ADAMTS17: variants seen among roughly 807,000 people sequenced by gnomAD.
ADAMTS17 encodes A disintegrin and metalloproteinase with thrombospondin motifs 17.
A neutral mutation model predicts 141.5 loss-of-function variants in ADAMTS17; 113 were observed. That is an observed-to-expected ratio of 0.80 (90% CI 0.69 to 0.93). The LOEUF (loss-of-function observed/expected upper bound fraction) is 0.93, where lower values mean the gene tolerates loss of function less well. Ranked by LOEUF, ADAMTS17 falls within the 40% of genes least tolerant of loss-of-function variation. The pLI, the probability that ADAMTS17 is intolerant of heterozygous loss-of-function variation, is 0.00. For synonymous variants in ADAMTS17, 768 were observed against 630.6 expected, an observed-to-expected ratio of 1.22 and a Z score of -3.27; for missense variants, 1,659 against 1,517.9, an observed-to-expected ratio of 1.09 and a Z score of -1.54.
At chr15:100,160,943 A>T (rs1019259009) in intron 8 of ADAMTS17, among the ~76,000 whole-genome samples, 3 of 152,230 alleles carry the variant, frequency 2.0e-5, no homozygotes, top group Non-Finnish European at 2.9e-5. Flanking sequence ...TGAGAAACTC[A>T]TATTAGTTTA....
At chr15:100,225,704 T>C (rs56051992) in intron 7 of ADAMTS17, among the ~76,000 whole-genome samples, 27 of 149,212 alleles carry the variant, frequency 1.8e-4, no homozygotes, top group African/African-American at 6.2e-4. Context: ...TCTGTGCCCA[T>C]TCAGTCCTTA....
At chr15:100,273,196 G>A (rs2043973159) in intron 4 of ADAMTS17, among the ~76,000 whole-genome samples, 1 of 152,078 alleles carries the variant, frequency 6.6e-6, no homozygotes, top group Non-Finnish European at 1.5e-5. Context: ...TTTGTTATCA[G>A]GGAATGCCAG....
intron 8 of ADAMTS17, among the ~76,000 whole-genome samples, chr15:100,162,838 C>G (rs1374874483): frequency 7.3e-6 from 1 of 137,552 alleles, no homozygotes; most frequent in Non-Finnish European, 1.5e-5. Flanking sequence ...ATGTGTATAA[C>G]TATATATAGT....
chr15:100,064,368 C>A (rs1567113000), intron 15 of ADAMTS17, among the ~76,000 whole-genome samples: 1 of 152,160 alleles, frequency 6.6e-6, no homozygotes, highest in Non-Finnish European at 1.5e-5. Context: ...GGTGCTTATG[C>A]CACCTAGTTT....
chr15:100,186,672 CA>C (rs1312607177), intron 8 of ADAMTS17, among the ~76,000 whole-genome samples: 1 of 152,230 alleles, frequency 6.6e-6, no homozygotes, highest in Non-Finnish European at 1.5e-5. Flanking sequence ...CCAACTGTTA[CA>C]AACTCCTTTA....
At chr15:100,095,254 A>G (rs2035687742) in intron 15 of ADAMTS17, among the ~76,000 whole-genome samples, 1 of 152,006 alleles carries the variant, frequency 6.6e-6, no homozygotes. Context: ...TTTAAAATCC[A>G]CCTGAAATTT....
At chr15:100,239,361 G>C (rs913442153) in intron 7 of ADAMTS17, among the ~76,000 whole-genome samples, 2 of 152,244 alleles carry the variant, frequency 1.3e-5, no homozygotes, top group African/African-American at 4.8e-5. Flanking sequence ...GAGGAGCGGC[G>C]CTGGTTGTGG....
Position 100,281,084 on chromosome 15 carries a change from T to C in ADAMTS17, c.789+145A>G, listed in dbSNP as rs946510278. 5 of 1,201,254 alleles carry C rather than the reference T, an allele frequency of 4.2e-6. No homozygotes were observed. The African/African-American group carries it at 4.6e-5, about 11-fold the overall frequency. 74.4% of individuals were successfully genotyped at this position (1,201,254 alleles called of 1,614,324 possible). A position where few individuals can be genotyped will look rare whatever the true frequency, so the allele number is the denominator to read the frequency against. On this transcript the variant is annotated intron_variant, in intron 4 of 21. Coordinates refer to ENST00000268070, the MANE Select transcript of ADAMTS17 (RefSeq NM_139057.4). ...TCCCCCAGTTACTTGCCCTCCTCAA[T>C]GCCCAGAATTACCAGGCTATGTTCC... is the stretch of plus-strand genomic sequence containing the variant.
At position 100,176,202 on chromosome 15, in the gene ADAMTS17, G is replaced by A. The variant is rs183541554; in HGVS notation, c.1182-20882C>T. 1.4e-3 allele frequency among the ~76,000 whole-genome samples: 208 copies of A among 152,322 alleles called. 1 individual carries two copies. Among genetic ancestry groups the A allele is most frequent in the African/African-American group, 4.5e-3 (189 of 41,582 alleles). On this transcript the variant is annotated intron_variant, in intron 8 of 21. Transcript: ENST00000268070. ...AGAAAGAAGAGTGGTTATTACTGAC[G>A]GTGAGATGGGATGATGAATGCATGG...
chr15:100,027,909 G>A (rs1045594748), intron 18 of ADAMTS17, among the ~76,000 whole-genome samples: 12 of 152,144 alleles, frequency 7.9e-5, no homozygotes, highest in African/African-American at 9.7e-5. Flanking sequence ...TGAGTGCCCC[G>A]TTCTGAGACG....
At chr15:100,290,145 C>A (rs1307265586) in intron 3 of ADAMTS17, among the ~76,000 whole-genome samples, 2 of 152,148 alleles carry the variant, frequency 1.3e-5, no homozygotes, top group Admixed American at 1.3e-4. Context: ...GCTCCTAGAT[C>A]TGATAACTCC....
At chr15:100,056,346 C>A (rs970229548) in intron 15 of ADAMTS17, among the ~76,000 whole-genome samples, 19 of 151,994 alleles carry the variant, frequency 1.3e-4, no homozygotes, top group African/African-American at 4.6e-4. Context: ...AACCAAGGGG[C>A]CAGAGTCCTT....
At chr15:100,208,754 TAGA>T (rs577954267) in intron 7 of ADAMTS17, among the ~76,000 whole-genome samples, 526 of 32,002 alleles carry the variant, frequency 0.016, 1 homozygote, top group African/African-American at 0.037. Context: ...GCATGTGAAA[TAGA>T]AGGAGAAGAG....
intron 7 of ADAMTS17, among the ~76,000 whole-genome samples, chr15:100,206,346 A>G (rs1257218581): frequency 6.6e-6 from 1 of 152,200 alleles, no homozygotes; most frequent in Non-Finnish European, 1.5e-5. Context: ...ACGTCTGTAG[A>G]CATGGGCATG....
At chr15:100,180,925 G>A (rs1183796011) in intron 8 of ADAMTS17, among the ~76,000 whole-genome samples, 1 of 152,200 alleles carries the variant, frequency 6.6e-6, no homozygotes, top group African/African-American at 2.4e-5. Flanking sequence ...CTAGGCCCCA[G>A]GTGGATCCAG....
chr15:100,225,475 C>T (rs528163418), intron 7 of ADAMTS17, among the ~76,000 whole-genome samples: 2 of 150,816 alleles, frequency 1.3e-5, no homozygotes, highest in Non-Finnish European at 1.5e-5. Context: ...GCAGTCCTTA[C>T]AGCAGTCACG....
intron 5 of ADAMTS17, among the ~76,000 whole-genome samples, 153 bp from the exon 6 acceptor site, chr15:100,261,789 G>A (rs1007889207): frequency 1.3e-5 from 2 of 152,118 alleles, no homozygotes; most frequent in African/African-American, 2.4e-5. Context: ...GATGCTAGTG[G>A]GTACGTGGCA....
intron 8 of ADAMTS17, 124 bp from the exon 9 acceptor site, chr15:100,155,444 T>C (rs1320424745): frequency 7.4e-7 from 1 of 1,360,486 alleles, no homozygotes; most frequent in Non-Finnish European, 1.0e-6. Context: ...AACGTGAAAG[T>C]GGTTCTCACA....
At position 100,254,183 on chromosome 15, in the gene ADAMTS17, A is replaced by C. The variant is rs752859423; in HGVS notation, c.1032-4T>G. 2 of 1,613,254 alleles carry C rather than the reference A, an allele frequency of 1.2e-6. No individual in the cohort carries two copies. Among genetic ancestry groups the C allele is most frequent in the Admixed American group, 3.3e-5 (2 of 60,024 alleles). On this transcript the variant is annotated splice_polypyrimidine_tract_variant and splice_region_variant and intron_variant, in intron 6 of 21. Coordinates refer to ENST00000268070, the MANE Select transcript of ADAMTS17 (RefSeq NM_139057.4). ...CTTGTGTACACAGAAATCTGTCCTA[A>C]AAAATAAAAAAGCCATCATCAGGTA...
Sources: gnomAD v4.1 joint callset for allele counts (sites outside exome capture counted in the v4.1 genomes callset) on GRCh38, gnomAD v4.1.1 for gene constraint, MANE v1.5 for transcripts, NCBI Gene and HGNC (gene_info 2026-07-23, HGNC 2026-07-21) for gene names.